PTPRG: variants seen among roughly 807,000 people sequenced by gnomAD.
PTPRG encodes protein tyrosine phosphatase receptor type G, also known as receptor-type tyrosine-protein phosphatase gamma.
A neutral mutation model predicts 165.3 loss-of-function variants in PTPRG; 102 were observed. The observed-to-expected ratio is 0.62, with a 90% CI of 0.53 to 0.73. The LOEUF (loss-of-function observed/expected upper bound fraction) is 0.73, where lower values mean the gene tolerates loss of function less well. PTPRG is among the 30% of genes least tolerant of loss of function. PTPRG has a pLI of 0.00. For synonymous variants in PTPRG, 675 were observed against 669.5 expected (o/e 1.01, Z -0.13); for missense variants, 1,866 against 1,861.4 (o/e 1.00, Z -0.05).
At chr3:61,753,848 G>T (rs1445898029) in intron 2 of PTPRG, among the ~76,000 whole-genome samples, 1 of 151,880 alleles carries the variant, frequency 6.6e-6, no homozygotes, top group Non-Finnish European at 1.5e-5. Flanking sequence ...GGCCTGTCTC[G>T]GCCTCCCAAA....
At chr3:61,812,375 C>A (rs1227626278) in intron 2 of PTPRG, among the ~76,000 whole-genome samples, 1 of 152,058 alleles carries the variant, frequency 6.6e-6, no homozygotes, top group Non-Finnish European at 1.5e-5. Context: ...AGGATGTGAT[C>A]AATTTTTCTT....
At chr3:61,919,455 G>A (rs1426355838) in intron 2 of PTPRG, among the ~76,000 whole-genome samples, 3 of 152,140 alleles carry the variant, frequency 2.0e-5, no homozygotes, top group African/African-American at 7.2e-5. Flanking sequence ...TATGCCTTAG[G>A]TGAAATTCCA....
At chr3:62,283,683 T>C (rs946322633) in intron 28 of PTPRG, among the ~76,000 whole-genome samples, 2 of 152,100 alleles carry the variant, frequency 1.3e-5, no homozygotes, top group Non-Finnish European at 2.9e-5. Flanking sequence ...GCTACCCAAG[T>C]AGCATAAAGT....
chr3:61,721,478 G>A (rs1470795082), intron 1 of PTPRG, among the ~76,000 whole-genome samples: 1 of 152,186 alleles, frequency 6.6e-6, no homozygotes, highest in Non-Finnish European at 1.5e-5. Flanking sequence ...TGTGTCTAGA[G>A]AAGGGAGTAC....
chr3:62,168,255 G>T, intron 8 of PTPRG, 92 bp downstream of exon 8: 2 of 1,261,034 alleles, frequency 1.6e-6, no homozygotes, highest in East Asian at 2.5e-5. Flanking sequence ...CAGGAATTGG[G>T]ACTTGGTGTT....
chr3:62,027,617 CAT>C (rs1172185420), intron 4 of PTPRG, among the ~76,000 whole-genome samples: 5 of 152,196 alleles, frequency 3.3e-5, no homozygotes, highest in Non-Finnish European at 7.3e-5. Flanking sequence ...AGTGCCAACT[CAT>C]ATTTTAAGCC....
At chr3:61,908,477 G>A (rs369265542) in intron 2 of PTPRG, among the ~76,000 whole-genome samples, 8 of 151,078 alleles carry the variant, frequency 5.3e-5, no homozygotes, top group African/African-American at 1.9e-4. Flanking sequence ...AATATATATT[G>A]GGAGGTCATT....
chr3:61,835,456 C>T lies in PTPRG; in HGVS notation c.190+86474C>T, dbSNP rs1319333228. Among the ~76,000 whole-genome samples the T allele has an allele frequency of 2.6e-5, 4 of 152,054 alleles. No homozygotes were observed. The South Asian group carries it at 6.2e-4, about 24-fold the overall frequency. On this transcript the variant is annotated intron_variant, in intron 2 of 29. Transcript: ENST00000474889. ...TCAAGCGATTCTCCTGCCTCAGCCT[C>T]CTGAGTAGCTGGGATTACAGGCACA...
At chr3:61,890,904 G>C (rs2107498894) in intron 2 of PTPRG, among the ~76,000 whole-genome samples, 1 of 152,270 alleles carries the variant, frequency 6.6e-6, no homozygotes, top group East Asian at 1.9e-4. Context: ...ATAGCTCTTT[G>C]TTTTATAATT....
chr3:61,972,315 A>G (rs1335368787), intron 2 of PTPRG, among the ~76,000 whole-genome samples: 4 of 152,180 alleles, frequency 2.6e-5, no homozygotes, highest in African/African-American at 9.7e-5. Context: ...TCAGGGAGGT[A>G]AATTTGGGCA....
chr3:62,219,535 A>G lies in PTPRG; in HGVS notation c.2288+552A>G, dbSNP rs1425653898. On this transcript the variant is annotated intron_variant, in intron 13 of 29. Coordinates refer to ENST00000474889, the MANE Select transcript of PTPRG (RefSeq NM_002841.4). This position sits in a 1 kb window ranked among gnomAD's most constrained non-coding sequence, Gnocchi z 4.5. ...GCTATCCGGATTCTCACTGCTTCTCATGGGAAGCCAGGTTGCAGCCTCTGT... is the reference window on the plus strand; with the variant it reads ...GCTATCCGGATTCTCACTGCTTCTCGTGGGAAGCCAGGTTGCAGCCTCTGT... Among the ~76,000 whole-genome samples the G allele has an allele frequency of 1.3e-5, 2 of 152,196 alleles. No individual in the cohort carries two copies. The highest frequency in any genetic ancestry group is 1.3e-4 in the Admixed American group (2 of 15,274).
chr3:62,258,973 A>AT (rs1200927431), intron 16 of PTPRG, among the ~76,000 whole-genome samples: 1 of 152,218 alleles, frequency 6.6e-6, no homozygotes, highest in Non-Finnish European at 1.5e-5. Flanking sequence ...AGTCAGAAGA[A>AT]TTAACAGGCA....
chr3:61,939,387 G>C (rs2039557288), intron 2 of PTPRG, among the ~76,000 whole-genome samples: 4 of 152,142 alleles, frequency 2.6e-5, no homozygotes, highest in Admixed American at 2.6e-4. Context: ...CTCATAAAAA[G>C]TCGTAAGTGA....
At chr3:62,157,566 C>T (rs1559580311) in intron 7 of PTPRG, among the ~76,000 whole-genome samples, 1 of 152,154 alleles carries the variant, frequency 6.6e-6, no homozygotes, top group Non-Finnish European at 1.5e-5. Flanking sequence ...AATGTTGACC[C>T]ATTTCATCTT....
intron 7 of PTPRG, among the ~76,000 whole-genome samples, chr3:62,166,796 C>G (rs1158156957): frequency 6.6e-6 from 1 of 152,082 alleles, no homozygotes; most frequent in Admixed American, 6.6e-5. Flanking sequence ...TCAAGTAACC[C>G]TCTCACCTCA....
chr3:61,569,975 C>T (rs1450384797), intron 1 of PTPRG, among the ~76,000 whole-genome samples: 12 of 152,134 alleles, frequency 7.9e-5, no homozygotes, highest in Non-Finnish European at 1.5e-5. Flanking sequence ...CTTCCAAATC[C>T]CTGTGTAGAA....
intron 2 of PTPRG, among the ~76,000 whole-genome samples, chr3:61,830,974 A>G (rs914894580): frequency 6.6e-6 from 1 of 152,128 alleles, no homozygotes; most frequent in African/African-American, 2.4e-5. Context: ...TCTTTTTTCA[A>G]AGACCTAATG....
intron 21 of PTPRG, among the ~76,000 whole-genome samples, chr3:62,272,097 CAAA>C (rs1051790182): frequency 4.4e-5 from 6 of 136,624 alleles, no homozygotes; most frequent in African/African-American, 1.6e-4. Context: ...GATCATGACT[CAAA>C]AAAAAAAAGA....
At chr3:62,183,582 AAAG>A (rs1705747346) in intron 8 of PTPRG, among the ~76,000 whole-genome samples, 1 of 151,826 alleles carries the variant, frequency 6.6e-6, no homozygotes, top group Non-Finnish European at 1.5e-5. Context: ...AAAAAAAAAA[AAAG>A]AATGGCACAG....
Sources: allele counts gnomAD v4.1 joint callset (sites outside exome capture counted in the v4.1 genomes callset), GRCh38; gene constraint gnomAD v4.1.1; non-coding constraint Gnocchi (gnomAD v3.1); transcripts MANE v1.5; gene names NCBI Gene and HGNC (gene_info 2026-07-23, HGNC 2026-07-21).